The following CCDC102B variants were observed in gnomAD, a reference collection of about 807,000 sequenced individuals.
CCDC102B encodes coiled-coil domain-containing protein 102B.
Under a neutral mutation model 57.4 loss-of-function variants are expected in CCDC102B, and 75 were observed. The observed-to-expected ratio is 1.31, with a 90% confidence interval of 1.08 to 1.58. The LOEUF (loss-of-function observed/expected upper bound fraction) is 1.58. Among genes scored for constraint, CCDC102B ranks in the 40% most tolerant of loss-of-function variants. The pLI is 0.00. For missense variants in CCDC102B, 636 were observed against 582.6 expected, an observed-to-expected ratio of 1.09 and a Z score of -0.94; for synonymous variants, 206 against 201.9, an observed-to-expected ratio of 1.02 and a Z score of -0.17.
chr18:68,960,242 G>A (rs1233975177), intron 6 of CCDC102B, among the ~76,000 whole-genome samples: 2 of 152,240 alleles, frequency 1.3e-5, no homozygotes, highest in Admixed American at 1.3e-4. Context: ...TTCCCTTTAA[G>A]GCCTGGGGTC....
intron 5 of CCDC102B, among the ~76,000 whole-genome samples, chr18:68,875,322 A>G (rs555252790): frequency 6.6e-6 from 1 of 152,298 alleles, no homozygotes; most frequent in East Asian, 1.9e-4. Flanking sequence ...AGTGTTTTTT[A>G]CTGTTCTGTA....
intron 1 of CCDC102B, among the ~76,000 whole-genome samples, chr18:68,832,031 T>C (rs982685343): frequency 3.3e-5 from 5 of 152,162 alleles, no homozygotes; most frequent in African/African-American, 1.2e-4. Context: ...ATTGTGCTTT[T>C]AATCTGTATT....
At chr18:68,814,902 G>C (rs1198387060) in intron 1 of CCDC102B, among the ~76,000 whole-genome samples, 2 of 152,014 alleles carry the variant, frequency 1.3e-5, no homozygotes, top group African/African-American at 4.8e-5. Flanking sequence ...AGAAATATTA[G>C]AATAGATTTC....
At chr18:68,770,366 T>C (rs1422861192) in intron 2 of CCDC102B, among the ~76,000 whole-genome samples, 1 of 152,184 alleles carries the variant, frequency 6.6e-6, no homozygotes, top group East Asian at 1.9e-4. Flanking sequence ...AAATTAGCAT[T>C]TATTTCTTAT....
intron 6 of CCDC102B, among the ~76,000 whole-genome samples, chr18:68,944,583 C>T (rs189132912): frequency 6.6e-6 from 1 of 152,054 alleles, no homozygotes; most frequent in African/African-American, 2.4e-5. Context: ...GAGAGCAAAG[C>T]TCTCATGACC....
intron 6 of CCDC102B, among the ~76,000 whole-genome samples, chr18:68,948,886 A>C (rs1323824776): frequency 6.6e-6 from 1 of 152,160 alleles, no homozygotes; most frequent in East Asian, 1.9e-4. Flanking sequence ...TATATTAGTC[A>C]GAATATATAT....
chr18:68,752,032 C>T (rs138795939), intron 2 of CCDC102B, among the ~76,000 whole-genome samples: 2,806 of 152,178 alleles, frequency 0.018, 58 homozygotes, highest in Middle Eastern at 0.027. Context: ...GAGGCCAAGG[C>T]GGGCAGATCA....
chr18:69,009,635 A>C (rs11151480), intron 6 of CCDC102B, among the ~76,000 whole-genome samples: 132,633 of 151,950 alleles, frequency 0.87, 59,326 homozygotes, highest in Non-Finnish European at 0.97. Context: ...CCACATCCAC[A>C]TTTATTTTCC....
intron 5 of CCDC102B, among the ~76,000 whole-genome samples, chr18:68,880,833 A>G (rs1485866039): frequency 6.6e-6 from 1 of 152,214 alleles, no homozygotes; most frequent in Admixed American, 6.5e-5. Context: ...TAGTTATTGG[A>G]ACAATTATTT....
At chr18:69,057,561 G>T (rs554374533), downstream of CCDC102B, among the ~76,000 whole-genome samples, 10 of 152,038 alleles carry the variant, frequency 6.6e-5, no homozygotes, top group Admixed American at 1.3e-4. Flanking sequence ...AGGATTGCTG[G>T]GGAGTCAGAC....
chr18:68,837,915 C>T (rs1364328453), intron 2 of CCDC102B, among the ~76,000 whole-genome samples: 1 of 152,142 alleles, frequency 6.6e-6, no homozygotes, highest in Non-Finnish European at 1.5e-5. Flanking sequence ...AATGCTCATT[C>T]TTGAGAGAAT....
intron 6 of CCDC102B, among the ~76,000 whole-genome samples, chr18:68,951,424 T>C (rs2049694305): frequency 6.6e-6 from 1 of 152,160 alleles, no homozygotes; most frequent in African/African-American, 2.4e-5. Flanking sequence ...ATTTTAAAAC[T>C]AGGATGATTG....
intron 6 of CCDC102B, among the ~76,000 whole-genome samples, chr18:68,909,765 C>A (rs924738765): frequency 6.6e-6 from 1 of 152,098 alleles, no homozygotes; most frequent in Non-Finnish European, 1.5e-5. Flanking sequence ...ATCACAATGA[C>A]AGACTGAAAA....
intron 4 of CCDC102B, among the ~76,000 whole-genome samples, chr18:68,858,417 T>C (rs555463273): frequency 1.5e-3 from 236 of 152,300 alleles, no homozygotes; most frequent in Middle Eastern, 6.8e-3. Flanking sequence ...AATTCTTGGA[T>C]CTCTTCAGGT....
At chr18:68,800,575 G>A (rs946130874) in intron 1 of CCDC102B, among the ~76,000 whole-genome samples, 2 of 152,048 alleles carry the variant, frequency 1.3e-5, no homozygotes, top group African/African-American at 2.4e-5. Flanking sequence ...CATTCTCAAA[G>A]AAAATGTCAT....
At chr18:69,001,884 G>A (rs540983103) in intron 6 of CCDC102B, among the ~76,000 whole-genome samples, 9 of 152,242 alleles carry the variant, frequency 5.9e-5, no homozygotes, top group African/African-American at 1.9e-4. Flanking sequence ...CAGTTTCCCT[G>A]CCTTGATACA....
intron 2 of CCDC102B, among the ~76,000 whole-genome samples, chr18:68,779,152 A>C (rs953053667): frequency 1.3e-5 from 2 of 152,076 alleles, no homozygotes; most frequent in African/African-American, 4.8e-5. Flanking sequence ...TAAACAAAAA[A>C]TAAAAATGCC....
At chr18:68,794,435 CA>C (rs11354189), upstream of CCDC102B, among the ~76,000 whole-genome samples, 148,958 of 152,086 alleles carry the variant, frequency 0.98, 73,020 homozygotes, top group East Asian at 1. Context: ...ACATAGGCTT[CA>C]AAAAAAATGA....
At chr18:68,911,738 C>T (rs368768992) in intron 6 of CCDC102B, among the ~76,000 whole-genome samples, 12 of 56,746 alleles carry the variant, frequency 2.1e-4, no homozygotes, top group African/African-American at 5.6e-4. Context: ...GGCGACAGAG[C>T]GAGACTCCGT....
Sources: allele counts gnomAD v4.1 joint callset (sites outside exome capture counted in the v4.1 genomes callset), GRCh38; gene constraint gnomAD v4.1.1; transcripts MANE v1.5; gene names NCBI Gene and HGNC (gene_info 2026-07-23, HGNC 2026-07-21).